ARL10: variants seen among roughly 807,000 people sequenced by gnomAD.
ARL10 encodes ARF like GTPase 10, also known as ADP-ribosylation factor-like protein 10.
A neutral mutation model predicts 26.1 loss-of-function variants in ARL10; 23 were observed. That is an observed-to-expected ratio of 0.88 (90% CI 0.63 to 1.25). The LOEUF (loss-of-function observed/expected upper bound fraction) is 1.25, where lower values mean the gene tolerates loss of function less well. Among genes scored for constraint, ARL10 ranks in the 50% most tolerant of loss-of-function variants. The pLI is 0.00. For synonymous variants in ARL10, 138 were observed against 149.1 expected, an observed-to-expected ratio of 0.93 and a Z score of 0.54; for missense variants, 300 against 323.6, an observed-to-expected ratio of 0.93 and a Z score of 0.56.
At chr5:176,389,523 C>T (rs1259729093), downstream of ARL10, 1 of 1,589,550 alleles carries the variant, frequency 6.3e-7, no homozygotes. Context: ...TTGAAAGCTC[C>T]GCAGAAATGA....
Position 176,372,057 on chromosome 5 carries a change from A to G in ARL10, c.*162A>G. On this transcript the variant is annotated 3_prime_UTR_variant, in exon 4 of 4. Coordinates refer to ENST00000310389, the MANE Select transcript of ARL10 (RefSeq NM_173664.6). ...GCCTGGGCAAGGCCAAGAACCATGC[A>G]GAAGCCTTCCTGGTGAGGTGGCCGT... is the stretch of plus-strand genomic sequence containing the variant. 2 of 1,435,802 alleles carry G rather than the reference A, an allele frequency of 1.4e-6. No individual in the cohort carries two copies. The highest frequency in any genetic ancestry group is 5.0e-5 in the East Asian group (2 of 39,812). The allele number at this position is 1,435,802 out of a possible 1,614,324, so 88.9% of individuals were successfully genotyped here. A position where few individuals can be genotyped will look rare whatever the true frequency, so the allele number is the denominator to read the frequency against.
At chr5:176,388,863 C>G (rs1377403558), downstream of ARL10, 1 of 1,614,188 alleles carries the variant, frequency 6.2e-7, no homozygotes, top group East Asian at 2.2e-5. Context: ...CCCTTTGAAC[C>G]ATCGAAGCCT....
At chr5:176,394,262 C>T (rs183550246) in intron 1 of ARL10, among the ~76,000 whole-genome samples, 1 of 152,348 alleles carries the variant, frequency 6.6e-6, no homozygotes, top group East Asian at 1.9e-4. Flanking sequence ...GTCCATGGTC[C>T]AATGGCATCA....
At position 176,397,911 on chromosome 5, in the gene ARL10, G is replaced by A. The variant is rs769658915; in HGVS notation, c.134-3830G>A. The A allele has an allele frequency of 1.4e-5, 23 of 1,600,164 alleles. No individual in the cohort carries two copies. In the South Asian group the frequency reaches 1.8e-4, roughly 12 times the overall value. On this transcript the variant is annotated intron_variant, in intron 1 of 1. Transcript: ENST00000514533. ...ACACACAGCCCACCCAGCCAACCCC[G>A]CCTCAGCCCCGCCCTCACCCAGCTC...
downstream of ARL10, chr5:176,401,973 G>A (rs150527943): frequency 9.9e-4 from 331 of 333,726 alleles, 4 homozygotes; most frequent in East Asian, 0.025. Flanking sequence ...TGACCTATTC[G>A]GAGTCTAAAT....
At chr5:176,370,296 T>G (rs1022147402) in intron 3 of ARL10, among the ~76,000 whole-genome samples, 4 of 152,232 alleles carry the variant, frequency 2.6e-5, no homozygotes, top group Non-Finnish European at 4.4e-5. Flanking sequence ...ACCAGTGTGC[T>G]GTACCTCTCT....
At chr5:176,388,367 G>A (rs754357508) in exon 2 of ARL10, 3 of 1,612,822 alleles carry the variant, frequency 1.9e-6, no homozygotes, top group Non-Finnish European at 2.5e-6. Flanking sequence ...GAGACATCGC[G>A]GATCCGTCAT....
At chr5:176,366,328 A>G (rs115269286) in intron 1 of ARL10, 52 bp from the exon 2 acceptor site, 3 of 1,548,212 alleles carry the variant, frequency 1.9e-6, no homozygotes, top group South Asian at 1.2e-5. Flanking sequence ...TTCCCTCGGG[A>G]AAGGTCCTTC....
intron 1 of ARL10, 104 bp from the exon 2 acceptor site, chr5:176,366,276 G>A: frequency 7.3e-7 from 1 of 1,369,320 alleles, no homozygotes; most frequent in African/African-American, 1.4e-5. Flanking sequence ...CCTGTCCCAG[G>A]ACGGGTGGAA....
the ARL10 span, among the ~76,000 whole-genome samples, chr5:176,411,687 A>T: frequency 6.6e-6 from 1 of 152,202 alleles, no homozygotes; most frequent in Non-Finnish European, 1.5e-5. Context: ...AGTCCCTGGA[A>T]CATAACAAGG....
In ARL10 at chr5:176,372,136, C is replaced by G. The variant is rs887273769; in HGVS notation, c.*241C>G. Reference sequence around the variant, plus strand: ...AGAGGGTGGGGAGGATAGTGTCTGGCTCATTCCAGGCTGGAATGTGGATCC... The same window carrying G: ...AGAGGGTGGGGAGGATAGTGTCTGGGTCATTCCAGGCTGGAATGTGGATCC... On this transcript the variant is annotated 3_prime_UTR_variant, in exon 4 of 4. Transcript: ENST00000310389. 1 of 1,337,530 alleles carries G rather than the reference C, an allele frequency of 7.5e-7. No homozygotes were observed. The highest frequency in any genetic ancestry group is 1.5e-5 in the African/African-American group (1 of 67,840). 82.9% of individuals were successfully genotyped at this position (1,337,530 alleles called of 1,614,324 possible). A position where few individuals can be genotyped will look rare whatever the true frequency, so the allele number is the denominator to read the frequency against.
intron 1 of ARL10, among the ~76,000 whole-genome samples, chr5:176,394,885 G>A (rs1411341766): frequency 6.6e-6 from 1 of 151,894 alleles, no homozygotes; most frequent in East Asian, 1.9e-4. Flanking sequence ...TGCTCTCTGG[G>A]CCATTTCCTC....
At chr5:176,389,187 A>G (rs1188758414), downstream of ARL10, 2 of 1,105,358 alleles carry the variant, frequency 1.8e-6, no homozygotes, top group Non-Finnish European at 2.6e-6. Flanking sequence ...CTCTGTAACT[A>G]GGAAGACCTC....
In ARL10 at chr5:176,375,324, CCA is replaced by C. The variant is rs1561776110; in HGVS notation, c.*3430_*3431del. The C allele has an allele frequency of 5.4e-5, 3 of 55,178 alleles. No individual in the cohort carries two copies. Among genetic ancestry groups the C allele is most frequent in the African/African-American group, 1.7e-4 (3 of 17,366 alleles). The allele number at this position is 55,178 out of a possible 1,614,324, so 3.4% of individuals were successfully genotyped here. A position where few individuals can be genotyped will look rare whatever the true frequency, so the allele number is the denominator to read the frequency against. ...TCCATCCATCCATCCATCCATCCAT[CCA>C]TCCATCCATCATCCACCCATCCATC... On this transcript the variant is annotated 3_prime_UTR_variant, in exon 4 of 4. Coordinates refer to ENST00000310389, the MANE Select transcript of ARL10 (RefSeq NM_173664.6).
At position 176,378,912 on chromosome 5, in the gene ARL10, A is replaced by G. The variant is rs1040225011; in HGVS notation, c.*7017A>G. ...TGTCTCAAAAAAAAAAAAAAAAAAAATTTCAAATGATGTTGGTCTACTTGC... is the reference window on the plus strand; with the variant it reads ...TGTCTCAAAAAAAAAAAAAAAAAAAGTTTCAAATGATGTTGGTCTACTTGC... On this transcript the variant is annotated 3_prime_UTR_variant, in exon 4 of 4. Coordinates refer to ENST00000310389, the MANE Select transcript of ARL10 (RefSeq NM_173664.6). The G allele has an allele frequency of 6.6e-6, 1 of 151,408 alleles. No homozygotes were observed. Among genetic ancestry groups the G allele is most frequent in the Non-Finnish European group, 1.5e-5 (1 of 67,886 alleles). The allele number at this position is 151,408 out of a possible 1,614,324, so 9.4% of individuals were successfully genotyped here.
At chr5:176,388,799 T>C, downstream of ARL10, 1 of 1,607,064 alleles carries the variant, frequency 6.2e-7, no homozygotes, top group Non-Finnish European at 8.5e-7. Context: ...CCCGATTTTC[T>C]CCTGCTGCTG....
At chr5:176,384,120 G>C (rs111867662), downstream of ARL10, 1 of 1,610,258 alleles carries the variant, frequency 6.2e-7, no homozygotes, top group Non-Finnish European at 8.5e-7. Context: ...GATTCCATGG[G>C]ACCTGGCCAG....
At chr5:176,406,277 T>A, downstream of ARL10, 1 of 1,043,842 alleles carries the variant, frequency 9.6e-7, no homozygotes, top group Non-Finnish European at 1.2e-6. Flanking sequence ...GGGGCAGGAA[T>A]GGCCAGGACC....
In ARL10 at chr5:176,387,033, T is replaced by A. The variant is rs533539169; in HGVS notation, c.37-1262T>A. 16 of 786,750 alleles carry A rather than the reference T, an allele frequency of 2.0e-5. No homozygotes were observed. The South Asian group carries it at 2.3e-4, about 11-fold the overall frequency. The allele number at this position is 786,750 out of a possible 1,614,324, so 48.7% of individuals were successfully genotyped here. A position where few individuals can be genotyped will look rare whatever the true frequency, so the allele number is the denominator to read the frequency against. On this transcript the variant is annotated intron_variant, in intron 1 of 1. Transcript: ENST00000503175. ...CTGCCCACGGTTAGGTAGAAGTAGG[T>A]AACAATGAGAACTAATGCCCTGGAG... is the stretch of plus-strand genomic sequence containing the variant.
Sources: allele counts gnomAD v4.1 joint callset (sites outside exome capture counted in the v4.1 genomes callset), GRCh38; gene constraint gnomAD v4.1.1; transcripts MANE v1.5; gene names NCBI Gene and HGNC (gene_info 2026-07-23, HGNC 2026-07-21).